Variants in NKAIN3 observed in about 807,000 individuals in gnomAD.
The protein encoded by NKAIN3 is sodium/potassium transporting ATPase interacting 3.
In NKAIN3, 25 loss-of-function variants were observed where a neutral mutation model predicts 30.2. The ratio of observed to expected loss-of-function variants is 0.83; its 90% CI spans 0.60 to 1.16. The LOEUF is 1.16. Ranked by LOEUF, NKAIN3 falls within the 50% of genes most tolerant of loss-of-function variation. The pLI, the probability that NKAIN3 is intolerant of heterozygous loss-of-function variation, is 0.00. For missense variants in NKAIN3, 225 were observed against 254.1 expected, an observed-to-expected ratio of 0.89 and a Z score of 0.78; for synonymous variants, 91 against 89.6, an observed-to-expected ratio of 1.02 and a Z score of -0.09.
intron 1 of NKAIN3, among the ~76,000 whole-genome samples, chr8:62,461,761 T>A (rs1806007725): frequency 6.6e-6 from 1 of 152,094 alleles, no homozygotes; most frequent in African/African-American, 2.4e-5. Context: ...TTGAGGTTAT[T>A]CAGTGAGAGT....
At chr8:62,666,090 T>G (rs1369910907) in intron 3 of NKAIN3, among the ~76,000 whole-genome samples, 1 of 151,934 alleles carries the variant, frequency 6.6e-6, no homozygotes, top group Non-Finnish European at 1.5e-5. Context: ...GGTGGGCGCC[T>G]GTAATCCCAG....
At chr8:62,520,992 T>G (rs893648811) in intron 1 of NKAIN3, among the ~76,000 whole-genome samples, 1 of 151,464 alleles carries the variant, frequency 6.6e-6, no homozygotes, top group African/African-American at 2.4e-5. Flanking sequence ...AGAGGGGCCC[T>G]TCTCCATCTC....
chr8:62,621,920 C>T (rs1231749445), intron 3 of NKAIN3, among the ~76,000 whole-genome samples: 1 of 152,048 alleles, frequency 6.6e-6, no homozygotes, highest in Admixed American at 6.6e-5. Flanking sequence ...CTGCAAGATC[C>T]TTCAACTTAC....
intron 1 of NKAIN3, among the ~76,000 whole-genome samples, chr8:62,449,997 G>T (rs1805594352): frequency 2.0e-5 from 3 of 152,096 alleles, no homozygotes; most frequent in Admixed American, 6.5e-5. Flanking sequence ...CAATAATATT[G>T]CAGTCTTTAG....
At position 62,789,174 on chromosome 8, in the gene NKAIN3, G is replaced by A. The variant is rs548668962; in HGVS notation, c.471+42045G>A. Among the ~76,000 whole-genome samples, 219 of 152,180 alleles carry A rather than the reference G, an allele frequency of 1.4e-3. 1 individual carries two copies. Among genetic ancestry groups the A allele is most frequent in the African/African-American group, 3.9e-3 (160 of 41,528 alleles). ...TTCTTCCTACCCATGAGCATGGAATGTTCTTCCATTTGTTTGTATCCTCTT... is the reference window on the plus strand; with the variant it reads ...TTCTTCCTACCCATGAGCATGGAATATTCTTCCATTTGTTTGTATCCTCTT... On this transcript the variant is annotated intron_variant, in intron 4 of 6. Transcript: ENST00000623646.
chr8:62,613,155 C>CTT (rs1354610595), intron 3 of NKAIN3, among the ~76,000 whole-genome samples: 1 of 152,026 alleles, frequency 6.6e-6, no homozygotes, highest in African/African-American at 2.4e-5. Context: ...CATTAATGTT[C>CTT]TTTTCTTTCT....
At chr8:62,342,764 G>T (rs1048153861) in intron 1 of NKAIN3, among the ~76,000 whole-genome samples, 1 of 152,088 alleles carries the variant, frequency 6.6e-6, no homozygotes, top group Non-Finnish European at 1.5e-5. Context: ...TGAAAAGAAT[G>T]TATTAATAAT....
At chr8:62,690,652 G>A (rs540250145) in intron 3 of NKAIN3, among the ~76,000 whole-genome samples, 43 of 152,292 alleles carry the variant, frequency 2.8e-4, no homozygotes, top group African/African-American at 1.0e-3. Context: ...CTGGAATCCT[G>A]TGACAGAGGC....
chr8:62,655,749 A>G (rs984018436), intron 3 of NKAIN3, among the ~76,000 whole-genome samples: 2 of 152,076 alleles, frequency 1.3e-5, no homozygotes, highest in African/African-American at 4.8e-5. Flanking sequence ...GCAGGCGGAT[A>G]TACAGGTTTG....
intron 1 of NKAIN3, among the ~76,000 whole-genome samples, chr8:62,315,585 C>CA (rs202169695): frequency 0.03 from 4,578 of 152,144 alleles, 225 homozygotes; most frequent in African/African-American, 0.1. Flanking sequence ...TTAGCTTTGG[C>CA]AAAGCAGAAA....
At chr8:62,617,992 A>T (rs912547673) in intron 3 of NKAIN3, among the ~76,000 whole-genome samples, 5 of 152,204 alleles carry the variant, frequency 3.3e-5, no homozygotes, top group Admixed American at 6.5e-5. Context: ...AGCATCAAAG[A>T]CTGTAAACCA....
At chr8:62,770,730 A>G (rs1224310789) in intron 4 of NKAIN3, among the ~76,000 whole-genome samples, 1 of 152,116 alleles carries the variant, frequency 6.6e-6, no homozygotes, top group Non-Finnish European at 1.5e-5. Flanking sequence ...ATGCAGACTT[A>G]TAGGTGACCT....
intron 4 of NKAIN3, among the ~76,000 whole-genome samples, chr8:62,860,294 C>T (rs1256296032): frequency 6.6e-6 from 1 of 152,210 alleles, no homozygotes; most frequent in Non-Finnish European, 1.5e-5. Context: ...AATGTAATCT[C>T]ACCTCTGTCA....
intron 1 of NKAIN3, among the ~76,000 whole-genome samples, chr8:62,505,996 C>T (rs1054679535): frequency 1.3e-5 from 2 of 152,086 alleles, no homozygotes; most frequent in African/African-American, 4.8e-5. Context: ...ACTCTTCCTC[C>T]ATCTTTTAAG....
intron 1 of NKAIN3, among the ~76,000 whole-genome samples, chr8:62,277,050 T>A (rs1812986943): frequency 6.6e-6 from 1 of 152,180 alleles, no homozygotes; most frequent in African/African-American, 2.4e-5. Flanking sequence ...ATTTTATTGA[T>A]CACTGGGTTT....
At chr8:62,669,912 A>G (rs1263947741) in intron 3 of NKAIN3, among the ~76,000 whole-genome samples, 1 of 152,180 alleles carries the variant, frequency 6.6e-6, no homozygotes, top group Admixed American at 6.5e-5. Flanking sequence ...GATTTTTAAA[A>G]TGATATATTT....
At chr8:62,459,121 C>T (rs952120566) in intron 1 of NKAIN3, among the ~76,000 whole-genome samples, 1 of 151,776 alleles carries the variant, frequency 6.6e-6, no homozygotes, top group Non-Finnish European at 1.5e-5. Context: ...GGCCTCTGTC[C>T]TCAGCAGTGC....
chr8:62,406,611 T>C (rs940884465), intron 1 of NKAIN3, among the ~76,000 whole-genome samples: 5 of 152,184 alleles, frequency 3.3e-5, no homozygotes, highest in African/African-American at 1.2e-4. Flanking sequence ...TGTTAAAATA[T>C]TTTATTTCAA....
At chr8:62,821,301 GTC>G (rs1222737331) in intron 4 of NKAIN3, among the ~76,000 whole-genome samples, 3 of 152,168 alleles carry the variant, frequency 2.0e-5, no homozygotes, top group African/African-American at 7.2e-5. Context: ...TTGCTTATTT[GTC>G]TGTTTCCTCT....
Sources: gnomAD v4.1 joint callset for allele counts (sites outside exome capture counted in the v4.1 genomes callset) on GRCh38, gnomAD v4.1.1 for gene constraint, MANE v1.5 for transcripts, NCBI Gene and HGNC (gene_info 2026-07-23, HGNC 2026-07-21) for gene names.